The following COLEC12 variants were observed in gnomAD, a reference collection of about 807,000 sequenced individuals.
COLEC12 encodes collectin subfamily member 12.
Under a neutral mutation model 71.1 loss-of-function variants are expected in COLEC12, and 33 were observed. The observed-to-expected ratio is 0.46, with a 90% CI of 0.35 to 0.62. COLEC12 has a LOEUF of 0.62. COLEC12 is among the 20% of genes least tolerant of loss of function. The pLI is 0.00. For synonymous variants in COLEC12, 350 were observed against 353.0 expected, an observed-to-expected ratio of 0.99 and a Z score of 0.10; for missense variants, 765 against 916.1, an observed-to-expected ratio of 0.84 and a Z score of 2.13.
At chr18:467,619 TTC>T (rs1454053171) in intron 2 of COLEC12, among the ~76,000 whole-genome samples, 1 of 152,256 alleles carries the variant, frequency 6.6e-6, no homozygotes, top group East Asian at 1.9e-4. Flanking sequence ...ACATTATGCT[TTC>T]TATTAAATTT....
In COLEC12 at chr18:334,877, G is replaced by A. The variant is rs1199936318; in HGVS notation, c.1681C>T (p.Pro561Ser). 2.0e-6 allele frequency: 3 copies of A among 1,524,598 alleles called. No homozygotes were observed. The highest frequency in any genetic ancestry group is 2.6e-5 in the East Asian group (1 of 39,198). The allele number at this position is 1,524,598 out of a possible 1,614,324, so 94.4% of individuals were successfully genotyped here. The part of the protein sequence containing the change: ...GTVGEPGVPG[P>S]RGLPGLPGVP... ...CCAGGCAAGCCTGGCAGTCCCCGAG[G>A]TCCAGGCACCCCAGGCTCCCCAACG... The change falls in exon 6 of 10, where the codon CCT becomes TCT. Residue 561 changes from proline (P) to serine (S), a missense_variant. By Grantham distance (74) the Pro-to-Ser change is moderately conservative (BLOSUM62 -1). Transcript: ENST00000400256.
rs146568169 is a variant in COLEC12 at position 443,747 on chromosome 18, C to T, written c.58+36960G>A. Among the ~76,000 whole-genome samples, 128 of 152,286 alleles carry T rather than the reference C, an allele frequency of 8.4e-4. 3 individuals carry two copies. In the East Asian group the frequency reaches 0.022, roughly 26 times the overall value. ...AGCATATTTGTCCCCACCCAAATCT[C>T]ATGTTGAAATGTAGTCCCCAGTGGT... On this transcript the variant is annotated intron_variant, in intron 2 of 9. Transcript: ENST00000400256.
chr18:340,485 A>G (rs1914225932), intron 5 of COLEC12, among the ~76,000 whole-genome samples: 1 of 152,216 alleles, frequency 6.6e-6, no homozygotes, highest in Non-Finnish European at 1.5e-5. Flanking sequence ...GGAAGACTTT[A>G]AATCACTGTG....
intron 2 of COLEC12, among the ~76,000 whole-genome samples, chr18:436,709 C>T (rs1001792975): frequency 6.6e-6 from 1 of 151,704 alleles, no homozygotes; most frequent in African/African-American, 2.4e-5. Context: ...GGAGACATCA[C>T]AAGGGGGTGC....
At chr18:385,078 A>G (rs1336818352) in intron 2 of COLEC12, among the ~76,000 whole-genome samples, 1 of 152,210 alleles carries the variant, frequency 6.6e-6, no homozygotes, top group Admixed American at 6.5e-5. Flanking sequence ...TGGTTGTCCA[A>G]GTTAATTATC....
At chr18:378,806 G>T (rs1038363963) in intron 2 of COLEC12, among the ~76,000 whole-genome samples, 1 of 151,956 alleles carries the variant, frequency 6.6e-6, no homozygotes, top group Non-Finnish European at 1.5e-5. Context: ...TTCCTAGATT[G>T]TTCTCCCCTC....
intron 2 of COLEC12, among the ~76,000 whole-genome samples, chr18:372,705 C>T (rs1042768294): frequency 6.6e-6 from 1 of 152,128 alleles, no homozygotes; most frequent in South Asian, 2.1e-4. Flanking sequence ...ACATGAGCCA[C>T]CATGCCCGCC....
chr18:480,726 G>C lies in COLEC12; in HGVS notation c.39C>G (p.Ser13=). 3.1e-6 allele frequency: 5 copies of C among 1,614,062 alleles called. No individual in the cohort carries two copies. The highest frequency in any genetic ancestry group is 4.2e-6 in the Non-Finnish European group (5 of 1,179,980). The change falls in exon 2 of 10, where the codon TCC becomes TCG. Residue 13 remains serine, a synonymous_variant. Coordinates refer to ENST00000400256, the MANE Select transcript of COLEC12 (RefSeq NM_130386.3). This position sits in a 1 kb window ranked among gnomAD's most constrained non-coding sequence, Gnocchi z 4.1. ...DDFAEEEEVQ[S]FGYKRFGIQE... The stretch of plus-strand genomic sequence containing the variant: ...ACTCACCAAACCGCTTGTAACCGAA[G>C]GATTGCACCTCCTCCTCCTCTGCGA...
At chr18:382,000 A>C (rs1361414417) in intron 2 of COLEC12, among the ~76,000 whole-genome samples, 3 of 129,440 alleles carry the variant, frequency 2.3e-5, no homozygotes, top group African/African-American at 7.5e-5. Context: ...TCTCTTACAG[A>C]CTTAAAAAAA....
intron 2 of COLEC12, among the ~76,000 whole-genome samples, chr18:406,725 G>A (rs1207789896): frequency 6.6e-6 from 1 of 152,178 alleles, no homozygotes; most frequent in African/African-American, 2.4e-5. Context: ...AACTGGACTG[G>A]AGTCAGGCAC....
intron 2 of COLEC12, among the ~76,000 whole-genome samples, chr18:474,856 C>T (rs926217099): frequency 2.6e-5 from 4 of 151,966 alleles, no homozygotes; most frequent in African/African-American, 9.7e-5. Flanking sequence ...GCGGATCACC[C>T]AAGGTCAGGA....
chr18:403,316 G>GA lies in COLEC12; in HGVS notation c.59-45795dup, dbSNP rs528435665. On this transcript the variant is annotated intron_variant, in intron 2 of 9. Transcript: ENST00000400256. ...GTTGTCTTCAAAGTCTCTGGGTTTG[G>GA]AAAAAAAGAAAGAAAGAAAACCCTT... Among the ~76,000 whole-genome samples, 904 of 152,096 alleles carry GA rather than the reference G, an allele frequency of 5.9e-3. 13 individuals carry two copies. Among genetic ancestry groups the GA allele is most frequent in the African/African-American group, 0.021 (858 of 41,484 alleles).
intron 2 of COLEC12, among the ~76,000 whole-genome samples, chr18:405,673 C>T (rs1457606564): frequency 6.6e-6 from 1 of 152,188 alleles, no homozygotes; most frequent in Non-Finnish European, 1.5e-5. Context: ...CCATTCATGG[C>T]CATATGGCTG....
intron 2 of COLEC12, among the ~76,000 whole-genome samples, chr18:376,957 T>C (rs1034777814): frequency 6.6e-6 from 1 of 152,236 alleles, no homozygotes; most frequent in Admixed American, 6.5e-5. Flanking sequence ...AGCTCTTGCC[T>C]GAAGCGTTTT....
chr18:459,044 G>T (rs1165720894), intron 2 of COLEC12, among the ~76,000 whole-genome samples: 1 of 152,142 alleles, frequency 6.6e-6, no homozygotes, highest in Non-Finnish European at 1.5e-5. Context: ...GGCTGGGAGA[G>T]GTCTCCCTGT....
intron 8 of COLEC12, among the ~76,000 whole-genome samples, chr18:325,905 C>T (rs540540962): frequency 2.1e-4 from 32 of 152,120 alleles, no homozygotes; most frequent in African/African-American, 7.0e-4. Flanking sequence ...CTCAAGCAAT[C>T]CTCCCGCCTT....
At position 388,618 on chromosome 18, in the gene COLEC12, G is replaced by C. The variant is rs377461564; in HGVS notation, c.59-31096C>G. ...TGTTTCATTTTGTTTTTTTGAGACA[G>C]GGTCTTGCTCTGTTGCCCAAGCAGG... On this transcript the variant is annotated intron_variant, in intron 2 of 9. Transcript: ENST00000400256. Among the ~76,000 whole-genome samples the C allele has an allele frequency of 1.0e-3, 153 of 152,272 alleles. 1 individual carries two copies. The highest frequency in any genetic ancestry group is 6.8e-3 in the Middle Eastern group (2 of 294).
At chr18:390,928 A>G (rs1212480302) in intron 2 of COLEC12, among the ~76,000 whole-genome samples, 1 of 152,202 alleles carries the variant, frequency 6.6e-6, no homozygotes, top group Non-Finnish European at 1.5e-5. Context: ...TGGGACAGAC[A>G]TCGTTCCCAT....
intron 2 of COLEC12, among the ~76,000 whole-genome samples, chr18:380,501 C>T (rs1168186994): frequency 1.7e-5 from 2 of 119,534 alleles, no homozygotes; most frequent in East Asian, 2.4e-4. Flanking sequence ...TTTTCATCAA[C>T]GGTGCCTAAC....
Sources: allele counts gnomAD v4.1 joint callset (sites outside exome capture counted in the v4.1 genomes callset), GRCh38; gene constraint gnomAD v4.1.1; non-coding constraint Gnocchi (gnomAD v3.1); transcripts MANE v1.5; gene names NCBI Gene and HGNC (gene_info 2026-07-23, HGNC 2026-07-21).